SUCLG2: variants seen among roughly 807,000 people sequenced by gnomAD.
SUCLG2 encodes succinate-CoA ligase GDP-forming subunit beta.
In SUCLG2, 42 loss-of-function variants were observed where a neutral mutation model predicts 47.9. The ratio of observed to expected loss-of-function variants is 0.88; its 90% confidence interval spans 0.69 to 1.14. The LOEUF (loss-of-function observed/expected upper bound fraction) is 1.14, where lower values mean the gene tolerates loss of function less well. Ranked by LOEUF, SUCLG2 falls within the 50% of genes most tolerant of loss-of-function variation. The probability of loss-of-function intolerance (pLI) is 0.00; values close to 1 mark genes in which losing one functional copy is unlikely to be tolerated. For missense variants in SUCLG2, 571 were observed against 525.9 expected (o/e 1.09, Z -0.84); for synonymous variants, 195 against 197.3 (o/e 0.99, Z 0.10).
At chr3:67,370,378 T>A (rs1701936775), downstream of SUCLG2, among the ~76,000 whole-genome samples, 1 of 152,196 alleles carries the variant, frequency 6.6e-6, no homozygotes. Context: ...AATAATAGAT[T>A]TTTTATTGGT....
intron 1 of SUCLG2, among the ~76,000 whole-genome samples, chr3:67,623,414 T>C (rs1042615194): frequency 2.6e-5 from 4 of 152,048 alleles, no homozygotes; most frequent in African/African-American, 9.7e-5. Context: ...GGCAGGAGAA[T>C]GGCGCGAACC....
intron 2 of SUCLG2, among the ~76,000 whole-genome samples, chr3:67,579,377 T>C (rs1199864548): frequency 6.6e-6 from 1 of 152,232 alleles, no homozygotes; most frequent in Non-Finnish European, 1.5e-5. Flanking sequence ...GCTTTGTTTT[T>C]CTGAGATGAA....
chr3:67,578,877 G>A (rs1456614294), intron 2 of SUCLG2, among the ~76,000 whole-genome samples: 1 of 152,208 alleles, frequency 6.6e-6, no homozygotes, highest in African/African-American at 2.4e-5. Flanking sequence ...GAGAAAAAGG[G>A]TTCCCAGGCA....
chr3:67,647,740 C>T (rs1225110948), intron 1 of SUCLG2, among the ~76,000 whole-genome samples: 2 of 152,188 alleles, frequency 1.3e-5, no homozygotes, highest in African/African-American at 2.4e-5. Flanking sequence ...CCACCTCAGG[C>T]CTCACCAGAC....
chr3:67,414,913 T>C (rs1703006057), intron 9 of SUCLG2, among the ~76,000 whole-genome samples: 1 of 152,204 alleles, frequency 6.6e-6, no homozygotes, highest in South Asian at 2.1e-4. Context: ...TGGAGTGCAA[T>C]GTCGCAATCA....
At chr3:67,421,157 T>C (rs1703148362) in intron 9 of SUCLG2, among the ~76,000 whole-genome samples, 1 of 152,050 alleles carries the variant, frequency 6.6e-6, no homozygotes, top group Admixed American at 6.5e-5. Flanking sequence ...TCTGGGCCCA[T>C]CTGACCATGC....
chr3:67,632,481 C>T (rs1700944684), intron 1 of SUCLG2, among the ~76,000 whole-genome samples: 1 of 152,068 alleles, frequency 6.6e-6, no homozygotes, highest in Admixed American at 6.6e-5. Context: ...CAGTGCCTGG[C>T]CCAAAGCTCA....
chr3:67,494,922 TA>T (rs1053105262), intron 9 of SUCLG2, among the ~76,000 whole-genome samples: 27 of 152,184 alleles, frequency 1.8e-4, no homozygotes, highest in African/African-American at 6.5e-4. Context: ...TCTAGTTAGC[TA>T]CCCTCAAGTT....
At chr3:67,513,685 C>T (rs1345036214) in intron 6 of SUCLG2, among the ~76,000 whole-genome samples, 3 of 152,206 alleles carry the variant, frequency 2.0e-5, no homozygotes, top group Non-Finnish European at 4.4e-5. Context: ...TCCTGGTCAA[C>T]TTGCAGTCAG....
intron 8 of SUCLG2, among the ~76,000 whole-genome samples, chr3:67,497,766 A>G (rs1167668841): frequency 6.6e-6 from 1 of 152,200 alleles, no homozygotes; most frequent in Admixed American, 6.5e-5. Context: ...TGCATACCAC[A>G]GCCATTTGGA....
At chr3:67,620,104 A>AT (rs1404971058) in intron 1 of SUCLG2, among the ~76,000 whole-genome samples, 1 of 152,150 alleles carries the variant, frequency 6.6e-6, no homozygotes, top group Non-Finnish European at 1.5e-5. Context: ...TCATTTAACA[A>AT]TTTTCCACTG....
At chr3:67,522,188 C>G (rs1005260001) in intron 4 of SUCLG2, among the ~76,000 whole-genome samples, 12 of 151,976 alleles carry the variant, frequency 7.9e-5, no homozygotes, top group African/African-American at 2.9e-4. Context: ...ACTACAGGCA[C>G]GTGCCTCCAT....
chr3:67,537,574 G>A (rs1351873125), intron 2 of SUCLG2, among the ~76,000 whole-genome samples: 4 of 152,058 alleles, frequency 2.6e-5, no homozygotes, highest in Non-Finnish European at 4.4e-5. Context: ...TAATCCTTTG[G>A]GTATACGCCC....
At chr3:67,618,606 T>C in intron 1 of SUCLG2, among the ~76,000 whole-genome samples, 1 of 152,258 alleles carries the variant, frequency 6.6e-6, no homozygotes, top group Non-Finnish European at 1.5e-5. Flanking sequence ...AAAAAACCCA[T>C]GAGCTTTCTA....
Position 67,434,918 on chromosome 3 carries a change from G to A in SUCLG2, c.1063-34067C>T, listed in dbSNP as rs527567636. Reference sequence around the variant, plus strand: ...GTTCTTAAATGTGCATTCTTTCTACGTCTCAACTGTTGTTAGGTAAGTTCT... The same window carrying A: ...GTTCTTAAATGTGCATTCTTTCTACATCTCAACTGTTGTTAGGTAAGTTCT... On this transcript the variant is annotated intron_variant, in intron 9 of 10. Coordinates refer to ENST00000307227, the MANE Select transcript of SUCLG2 (RefSeq NM_003848.4). Among the ~76,000 whole-genome samples, 4 of 152,212 alleles carry A rather than the reference G, an allele frequency of 2.6e-5. 1 individual carries two copies. The highest frequency in any genetic ancestry group is 7.2e-5 in the African/African-American group (3 of 41,512).
intron 7 of SUCLG2, among the ~76,000 whole-genome samples, chr3:67,499,996 G>A (rs1007634549): frequency 1.3e-5 from 2 of 152,116 alleles, no homozygotes; most frequent in Non-Finnish European, 2.9e-5. Context: ...CTCCCAAAGT[G>A]CTGGGATTAC....
intron 2 of SUCLG2, among the ~76,000 whole-genome samples, chr3:67,583,959 T>G (rs947802832): frequency 6.6e-6 from 1 of 152,212 alleles, no homozygotes; most frequent in Non-Finnish European, 1.5e-5. Flanking sequence ...TAACCTCAAC[T>G]ACATCTGCAA....
intron 2 of SUCLG2, among the ~76,000 whole-genome samples, chr3:67,562,788 C>G (rs1445049211): frequency 2.0e-5 from 3 of 152,246 alleles, no homozygotes; most frequent in Middle Eastern, 6.8e-3. Flanking sequence ...AATACAACAT[C>G]TGGCACATAG....
intron 10 of SUCLG2, 153 bp from the exon 11 acceptor site, chr3:67,376,012 T>A (rs1163229750): frequency 1.0e-6 from 1 of 985,294 alleles, no homozygotes; most frequent in African/African-American, 1.7e-5. Context: ...CAGAAAAGAT[T>A]ATGTGATGAA....
Sources: allele counts gnomAD v4.1 joint callset (sites outside exome capture counted in the v4.1 genomes callset), GRCh38; gene constraint gnomAD v4.1.1; transcripts MANE v1.5; gene names NCBI Gene and HGNC (gene_info 2026-07-23, HGNC 2026-07-21).